Variants in KAT6A observed in about 807,000 individuals in gnomAD.
KAT6A encodes histone acetyltransferase KAT6A.
In KAT6A, 9 loss-of-function variants were observed where a neutral mutation model predicts 198.4. The observed-to-expected ratio is 0.05, with a 90% CI of 0.03 to 0.08. The LOEUF is 0.08. Among genes scored for constraint, KAT6A ranks in the 10% least tolerant of loss-of-function variants. KAT6A has a pLI of 1.00. For synonymous variants in KAT6A, 890 were observed against 883.0 expected (o/e 1.01, Z -0.14); for missense variants, 2,077 against 2,509.9 (o/e 0.83, Z 3.69).
At chr8:41,951,153 G>A (rs1185403534) in intron 9 of KAT6A, among the ~76,000 whole-genome samples, 2 of 151,328 alleles carry the variant, frequency 1.3e-5, no homozygotes, top group Non-Finnish European at 2.9e-5. Context: ...CAAGATGTAT[G>A]GCATTTTATT....
At chr8:41,985,582 T>C (rs1043481358) in intron 3 of KAT6A, among the ~76,000 whole-genome samples, 3 of 152,282 alleles carry the variant, frequency 2.0e-5, no homozygotes, top group South Asian at 2.1e-4. Flanking sequence ...TGGCCAAACT[T>C]AGCACTTCAG....
chr8:41,946,153 A>G lies in KAT6A; in HGVS notation c.1996+438T>C, dbSNP rs1167929396. ...CTCTGTGGCCCAGGCTAGGGCCTGC[A>G]ATGCAGGGGTAGCATTGCTCACTGC... On this transcript the variant is annotated intron_variant, in intron 12 of 16. Transcript: ENST00000265713. Among the ~76,000 whole-genome samples, 4 of 152,114 alleles carry G rather than the reference A, an allele frequency of 2.6e-5. No individual in the cohort carries two copies. The East Asian group carries it at 7.7e-4, about 29-fold the overall frequency.
At chr8:41,935,498 CA>C (rs1821802388) in intron 16 of KAT6A, among the ~76,000 whole-genome samples, 1 of 152,034 alleles carries the variant, frequency 6.6e-6, no homozygotes, top group Non-Finnish European at 1.5e-5. Context: ...CTTAGACAAA[CA>C]AGAAAAAATT....
chr8:42,014,989 A>G (rs1826203853), intron 2 of KAT6A, among the ~76,000 whole-genome samples: 1 of 152,258 alleles, frequency 6.6e-6, no homozygotes, highest in African/African-American at 2.4e-5. Flanking sequence ...ATCACTGTCC[A>G]TAACTGTTCA....
intron 2 of KAT6A, among the ~76,000 whole-genome samples, chr8:42,035,232 G>C (rs1273216003): frequency 6.6e-6 from 1 of 152,168 alleles, no homozygotes; most frequent in Non-Finnish European, 1.5e-5. Context: ...TGACACCAAA[G>C]TTTCCATTTT....
chr8:42,039,601 C>G (rs145230426), intron 2 of KAT6A, among the ~76,000 whole-genome samples: 2 of 152,180 alleles, frequency 1.3e-5, no homozygotes, highest in Admixed American at 1.3e-4. Flanking sequence ...AGTATTGGCC[C>G]ACAAGTCCAG....
chr8:42,021,091 C>T (rs1262249349), intron 2 of KAT6A, among the ~76,000 whole-genome samples: 1 of 151,806 alleles, frequency 6.6e-6, no homozygotes, highest in Non-Finnish European at 1.5e-5. Context: ...CAAATAGGGC[C>T]AAACTGAGGG....
chr8:42,047,387 G>A (rs1206600257), intron 2 of KAT6A, among the ~76,000 whole-genome samples: 2 of 151,892 alleles, frequency 1.3e-5, no homozygotes, highest in Non-Finnish European at 2.9e-5. Flanking sequence ...TACACATCTG[G>A]GCATCAAAAC....
At chr8:42,000,137 T>G (rs1051061812) in intron 2 of KAT6A, among the ~76,000 whole-genome samples, 1 of 152,226 alleles carries the variant, frequency 6.6e-6, no homozygotes, top group Non-Finnish European at 1.5e-5. Context: ...CATTAAGAGT[T>G]TTAAAGTCTT....
At chr8:42,026,481 C>T (rs1452026360) in intron 2 of KAT6A, among the ~76,000 whole-genome samples, 4 of 152,032 alleles carry the variant, frequency 2.6e-5, no homozygotes, top group African/African-American at 9.7e-5. Flanking sequence ...TAGAGGTCTT[C>T]CACCTCCTTG....
intron 11 of KAT6A, among the ~76,000 whole-genome samples, chr8:41,946,927 C>G (rs943237297): frequency 3.5e-4 from 54 of 152,126 alleles, no homozygotes; most frequent in Admixed American, 3.5e-3. Flanking sequence ...CATCCAACAC[C>G]ATCTGCAACT....
chr8:41,948,095 T>A, intron 10 of KAT6A, among the ~76,000 whole-genome samples, 183 bp from the exon 11 acceptor site: 1 of 152,230 alleles, frequency 6.6e-6, no homozygotes, highest in East Asian at 1.9e-4. Context: ...TCTGCTGTTT[T>A]AAGACAACCA....
At chr8:41,993,303 G>A (rs145714529) in intron 2 of KAT6A, among the ~76,000 whole-genome samples, 25 of 152,216 alleles carry the variant, frequency 1.6e-4, no homozygotes, top group African/African-American at 5.1e-4. Flanking sequence ...GTCTTAGACC[G>A]TGCTTACTCA....
chr8:41,930,485 A>C lies in KAT6A; in HGVS notation c.*1720T>G. 1 of 208,698 alleles carries C rather than the reference A, an allele frequency of 4.8e-6. No homozygotes were observed. Among genetic ancestry groups the C allele is most frequent in the Non-Finnish European group, 9.7e-6 (1 of 102,762 alleles). The allele number at this position is 208,698 out of a possible 1,614,324, so 12.9% of individuals were successfully genotyped here. On this transcript the variant is annotated 3_prime_UTR_variant, in exon 17 of 17. Transcript: ENST00000265713. The stretch of plus-strand genomic sequence containing the variant: ...TAAAGTGTATTAAAAAAACCAACAA[A>C]CCTGTGCATTTGAAAAAAGTTAATG...
At chr8:42,004,172 C>G (rs963391615) in intron 2 of KAT6A, among the ~76,000 whole-genome samples, 6 of 152,104 alleles carry the variant, frequency 3.9e-5, no homozygotes, top group Non-Finnish European at 7.4e-5. Context: ...GCTGCTGGGT[C>G]TTATGATCTA....
rs1205956796 is a variant in KAT6A, at chr8:41,934,564, AGGG to A, written c.3653_3655del (p.Pro1218del). On this transcript the variant is annotated inframe_deletion, in exon 17 of 17. Transcript: ENST00000265713. ...CTCCTCCTCCTTCCTCTCCTCGGGT[AGGG>A]GCATGTCTTCTTTTGGCTCAACAGT... 2 of 1,613,816 alleles carry A rather than the reference AGGG, an allele frequency of 1.2e-6. No individual in the cohort carries two copies. The highest frequency in any genetic ancestry group is 1.7e-6 in the Non-Finnish European group (2 of 1,180,012).
chr8:41,991,995 G>A lies in KAT6A; in HGVS notation c.601-4432C>T, dbSNP rs76366276. On this transcript the variant is annotated intron_variant, in intron 2 of 16. Transcript: ENST00000265713. ...CAATAATCAATTTTGGAAAGATAAA[G>A]TATCTACTGGAGCCTGGGCAACAAG... Among the ~76,000 whole-genome samples, 1,108 of 152,140 alleles carry A rather than the reference G, an allele frequency of 7.3e-3. 21 individuals carry two copies. The highest frequency in any genetic ancestry group is 0.025 in the African/African-American group (1,023 of 41,522).
chr8:42,032,871 C>CTTTTTTTTT (rs1163323345), intron 2 of KAT6A, among the ~76,000 whole-genome samples: 19 of 76,522 alleles, frequency 2.5e-4, no homozygotes, highest in African/African-American at 4.0e-4. Context: ...AAAACCTTGG[C>CTTTTTTTTT]TTTTTTTTTT....
intron 2 of KAT6A, among the ~76,000 whole-genome samples, chr8:42,040,422 G>T (rs912591153): frequency 6.6e-6 from 1 of 152,056 alleles, no homozygotes; most frequent in Non-Finnish European, 1.5e-5. Context: ...CTAGAAAAAT[G>T]TCTAGGTTGT....
Sources: gnomAD v4.1 joint callset for allele counts (sites outside exome capture counted in the v4.1 genomes callset) on GRCh38, gnomAD v4.1.1 for gene constraint, MANE v1.5 for transcripts, NCBI Gene and HGNC (gene_info 2026-07-23, HGNC 2026-07-21) for gene names.